CES1: variants seen among roughly 807,000 people sequenced by gnomAD.
The protein encoded by CES1 is liver carboxylesterase 1.
In CES1, 50 loss-of-function variants were observed where a neutral mutation model predicts 53.0. The ratio of observed to expected loss-of-function variants is 0.94; its 90% confidence interval spans 0.75 to 1.19. The LOEUF (loss-of-function observed/expected upper bound fraction) is 1.19. Among genes scored for constraint, CES1 ranks in the 50% most tolerant of loss-of-function variants. The probability of loss-of-function intolerance (pLI) is 0.00; values close to 1 mark genes in which losing one functional copy is unlikely to be tolerated. For synonymous variants in CES1, 202 were observed against 210.1 expected, an observed-to-expected ratio of 0.96 and a Z score of 0.33; for missense variants, 534 against 538.0, an observed-to-expected ratio of 0.99 and a Z score of 0.07.
rs3064342 is a variant in CES1 at position 55,825,175 on chromosome 16, A to AGAATGAATGAAT, written c.405+964_405+975dup. Among the ~76,000 whole-genome samples the AGAATGAATGAAT allele has an allele frequency of 5.3e-5, 8 of 150,520 alleles. No homozygotes were observed. The East Asian group carries it at 5.9e-4, about 11-fold the overall frequency. ...TATGGGGCACTGAGTACACAATAGAAGAATGAATGAATGAATGAATGAATG... is the reference window on the plus strand; with the variant it reads ...TATGGGGCACTGAGTACACAATAGAAGAATGAATGAATGAATGAATGAATGAATGAATGAATG... On this transcript the variant is annotated intron_variant, in intron 3 of 13. Coordinates refer to ENST00000360526, the MANE Select transcript of CES1 (RefSeq NM_001025195.2).
At chr16:55,830,543 C>T (rs2032597120) in intron 1 of CES1, among the ~76,000 whole-genome samples, 1 of 152,100 alleles carries the variant, frequency 6.6e-6, no homozygotes, top group Admixed American at 6.6e-5. Context: ...AGTGGATCAC[C>T]TGTAATCCCA....
intron 11 of CES1, 145 bp downstream of exon 11, chr16:55,810,372 C>T: frequency 1.8e-6 from 2 of 1,104,406 alleles, no homozygotes; most frequent in Admixed American, 2.0e-5. Flanking sequence ...CAAAATAAGA[C>T]AGCACCTCAT....
intron 8 of CES1, among the ~76,000 whole-genome samples, chr16:55,815,066 A>G (rs2142323404): frequency 6.6e-6 from 1 of 152,324 alleles, no homozygotes. Context: ...CCAGGTGAGG[A>G]AAGGAGTGAG....
chr16:55,821,834 A>G (rs1488228181), intron 4 of CES1, among the ~76,000 whole-genome samples: 2 of 152,186 alleles, frequency 1.3e-5, no homozygotes, highest in Non-Finnish European at 2.9e-5. Context: ...AGATAAACAG[A>G]TACATAGAGA....
At chr16:55,827,725 G>A (rs1420182660) in intron 2 of CES1, among the ~76,000 whole-genome samples, 1 of 152,126 alleles carries the variant, frequency 6.6e-6, no homozygotes, top group Admixed American at 6.5e-5. Context: ...TTAATACCAG[G>A]CTGTGCTATT....
chr16:55,827,291 A>ATAATAATAG (rs1446224772), intron 2 of CES1, among the ~76,000 whole-genome samples: 1 of 149,676 alleles, frequency 6.7e-6, no homozygotes, highest in Non-Finnish European at 1.5e-5. Context: ...AATAATAATA[A>ATAATAATAG]TAATAATAAT....
At position 55,810,665 on chromosome 16, in the gene CES1, C is replaced by CTTTT; in HGVS notation, c.1171-2_1171-1insAAAA. The CTTTT allele has an allele frequency of 6.2e-7, 1 of 1,614,136 alleles. No individual in the cohort carries two copies. The highest frequency in any genetic ancestry group is 2.2e-5 in the East Asian group (1 of 44,886). On this transcript the variant is annotated splice_acceptor_variant, in intron 10 of 13. Transcript: ENST00000360526. LOFTEE classifies it high-confidence loss of function. ...CTGGAATCAGTTCCTTAGCAATGCA[C>CTTTT]TGAAATAGATCAAAAAGTGACCACC... is the stretch of plus-strand genomic sequence containing the variant.
chr16:55,827,782 C>G (rs1472084681), intron 2 of CES1: 4 of 152,166 alleles, frequency 2.6e-5, no homozygotes, highest in Non-Finnish European at 4.4e-5. Context: ...ATGAGCAAAG[C>G]AGGCATCCAA....
Position 55,810,527 on chromosome 16 carries a change from C to G in CES1, c.1308G>C (p.Arg436=). Residue 436 remains arginine (R), a synonymous_variant, in exon 11 of 14, where the codon CGG becomes CGC. Transcript: ENST00000360526. ...ACCTCTGGGACTCACCTCTGTGGTT[C>G]CGGGCCACAATCACAGATGGGACAC... ...MFGVPSVIVA[R]NHRDAGAPTY... is the part of the protein sequence containing the mutation. The G allele has an allele frequency of 2.5e-6, 4 of 1,614,150 alleles. No homozygotes were observed. The highest frequency in any genetic ancestry group is 3.4e-6 in the Non-Finnish European group (4 of 1,180,044).
At position 55,833,078 on chromosome 16, in the gene CES1, G is replaced by A; in HGVS notation, c.-23C>T. 4 of 1,548,240 alleles carry A rather than the reference G, an allele frequency of 2.6e-6. 1 individual carries two copies. Among genetic ancestry groups the A allele is most frequent in the African/African-American group, 2.7e-5 (2 of 73,128 alleles). The stretch of plus-strand genomic sequence containing the variant: ...CATCGTGGAAGGGCGACAGTTCTCG[G>A]GGCCTGCGAGGTCTCTGTGCAGTTC... On this transcript the variant is annotated 5_prime_UTR_variant, in exon 1 of 14. Transcript: ENST00000360526.
At chr16:55,832,230 C>A (rs57846537) in intron 1 of CES1, among the ~76,000 whole-genome samples, 2,626 of 150,472 alleles carry the variant, frequency 0.017, 12 homozygotes, top group South Asian at 0.081. Context: ...AGCCCCTTGG[C>A]CTCAGATCCG....
At chr16:55,825,805 T>G (rs184572745) in intron 3 of CES1, among the ~76,000 whole-genome samples, 2 of 152,358 alleles carry the variant, frequency 1.3e-5, no homozygotes, top group Admixed American at 6.5e-5. Context: ...TTCTCTAAGT[T>G]CTTTCCACCA....
At chr16:55,813,130 A>G in intron 8 of CES1, 87 bp from the exon 9 acceptor site, 1 of 1,561,838 alleles carries the variant, frequency 6.4e-7, no homozygotes, top group Non-Finnish European at 8.8e-7. Context: ...TGAGACCAGT[A>G]CCATAGACCG....
intron 2 of CES1, 80 bp downstream of exon 2, chr16:55,828,687 C>T: frequency 7.4e-6 from 11 of 1,495,706 alleles, no homozygotes; most frequent in South Asian, 1.1e-5. Context: ...AGCAAAGGAT[C>T]AGCCCGTCAG....
chr16:55,831,212 A>C (rs1210198728), intron 1 of CES1, among the ~76,000 whole-genome samples: 1 of 152,230 alleles, frequency 6.6e-6, no homozygotes, highest in East Asian at 1.9e-4. Flanking sequence ...AAGATCCATC[A>C]GAATAGGGGA....
intron 11 of CES1, 30 bp downstream of exon 11, chr16:55,810,487 T>C: frequency 1.2e-6 from 2 of 1,613,840 alleles, no homozygotes; most frequent in Non-Finnish European, 1.7e-6. Flanking sequence ...GTGGGGTTTG[T>C]GTCCCTCCCG....
At position 55,810,635 on chromosome 16, in the gene CES1, G is replaced by A. The variant is rs145477234; in HGVS notation, c.1200C>T (p.Ala400=). ...CTGTTCCTCCTAAGTATTTCTCAGTGGCTTCTGGAATCAGTTCCTTAGCAA... is the reference window on the plus strand; with the variant it reads ...CTGTTCCTCCTAAGTATTTCTCAGTAGCTTCTGGAATCAGTTCCTTAGCAA... The part of the protein sequence containing the change: ...VCIAKELIPE[A]TEKYLGGTDD... Residue 400 remains alanine, a synonymous_variant, in exon 11 of 14, where the codon GCC becomes GCT. Transcript: ENST00000360526. 15 of 1,613,998 alleles carry A rather than the reference G, an allele frequency of 9.3e-6. No individual in the cohort carries two copies. In the African/African-American group the frequency reaches 1.7e-4, roughly 19 times the overall value.
Position 55,831,719 on chromosome 16 carries a change from C to T in CES1, c.52+1285G>A, listed in dbSNP as rs558197126. 2.7e-5 allele frequency among the ~76,000 whole-genome samples: 4 copies of T among 149,550 alleles called. No individual in the cohort carries two copies. In the East Asian group the frequency reaches 8.0e-4, roughly 30 times the overall value. On this transcript the variant is annotated intron_variant, in intron 1 of 13. Transcript: ENST00000360526. ...GGCTTCCTCTCTTCTCTGCCCTTCC[C>T]CACAGTTCCAGAGCTCTCGCAGTGT...
intron 4 of CES1, among the ~76,000 whole-genome samples, chr16:55,823,008 C>G (rs1241445834): frequency 2.6e-5 from 4 of 152,082 alleles, no homozygotes; most frequent in Admixed American, 2.6e-4. Flanking sequence ...GCTTCCCACA[C>G]TTGCCAAATT....
Sources: allele counts gnomAD v4.1 joint callset (sites outside exome capture counted in the v4.1 genomes callset), GRCh38; gene constraint gnomAD v4.1.1; transcripts MANE v1.5; gene names NCBI Gene and HGNC (gene_info 2026-07-23, HGNC 2026-07-21).